Variants in DNTTIP1 observed in about 807,000 individuals in gnomAD.
DNTTIP1 encodes deoxynucleotidyltransferase terminal-interacting protein 1.
Under a neutral mutation model 52.9 loss-of-function variants are expected in DNTTIP1, and 22 were observed. The ratio of observed to expected loss-of-function variants is 0.42; its 90% CI spans 0.30 to 0.59. The LOEUF (loss-of-function observed/expected upper bound fraction) is 0.59, where lower values mean the gene tolerates loss of function less well. DNTTIP1 is among the 20% of genes least tolerant of loss of function. DNTTIP1 has a pLI of 0.22. For missense variants in DNTTIP1, 286 were observed against 435.5 expected (o/e 0.66, Z 3.06); for synonymous variants, 136 against 155.1 (o/e 0.88, Z 0.92).
chr20:45,801,112 C>T lies in DNTTIP1; in HGVS notation c.411C>T (p.Pro137=). 3.1e-6 allele frequency: 5 copies of T among 1,614,046 alleles called. No individual in the cohort carries two copies. Among genetic ancestry groups the T allele is most frequent in the Non-Finnish European group, 4.2e-6 (5 of 1,180,006 alleles). Residue 137 remains proline (P), a synonymous_variant, in exon 5 of 13, where the codon CCC becomes CCT. Transcript: ENST00000372622. ...LLFSDGEKVI[P]RLTHELPGIK... ...TTTCAGATGGAGAAAAAGTAATACC[C>T]AGATTGACCCATGAGCTTCCAGGAA...
intron 2 of DNTTIP1, 28 bp from the exon 3 acceptor site, chr20:45,793,893 C>T (rs373752354): frequency 4.4e-4 from 654 of 1,474,194 alleles, no homozygotes; most frequent in Non-Finnish European, 5.3e-4. Context: ...GGACATGCCC[C>T]CTCACCCTGT....
intron 4 of DNTTIP1, chr20:45,796,371 A>G (rs1354688786): frequency 4.9e-6 from 2 of 410,744 alleles, no homozygotes; most frequent in African/African-American, 2.3e-5. Context: ...CTAGAAAAAA[A>G]TTTTTAAAAG....
Position 45,794,021 on chromosome 20 carries a change from A to G in DNTTIP1, c.273+4A>G, listed in dbSNP as rs1039138537. On this transcript the variant is annotated splice_donor_region_variant and intron_variant, in intron 3 of 12. Coordinates refer to ENST00000372622, the MANE Select transcript of DNTTIP1 (RefSeq NM_052951.3). ...TGTCTTCAACAAGTACATGAAGGTG[A>G]GAGGGACACAGGATAAAAAATAACA... The G allele has an allele frequency of 1.9e-6, 3 of 1,571,826 alleles. No individual in the cohort carries two copies. Among genetic ancestry groups the G allele is most frequent in the Admixed American group, 3.6e-5 (2 of 55,866 alleles).
At chr20:45,805,625 A>C (rs545320959) in intron 10 of DNTTIP1, among the ~76,000 whole-genome samples, 1 of 152,234 alleles carries the variant, frequency 6.6e-6, no homozygotes, top group Non-Finnish European at 1.5e-5. Context: ...TTAAAAAATA[A>C]GTATTGCCAT....
chr20:45,803,051 T>C (rs1231939011), intron 7 of DNTTIP1: 3 of 412,552 alleles, frequency 7.3e-6, no homozygotes, highest in Non-Finnish European at 1.3e-5. Flanking sequence ...ACAAGATAGG[T>C]AGGGCAGTTG....
chr20:45,802,295 A>G (rs1003057275), intron 7 of DNTTIP1, among the ~76,000 whole-genome samples: 1 of 152,140 alleles, frequency 6.6e-6, no homozygotes, highest in African/African-American at 2.4e-5. Flanking sequence ...GAGGTTTGTC[A>G]TTGTTAGTAT....
In DNTTIP1 at chr20:45,792,019, C is replaced by T; in HGVS notation, c.15C>T (p.Gly5=). Reference sequence around the variant, plus strand: ...CCGGGGGCGCCATGGGAGCCACTGGCGACGCCGAGCAGCCGCGGGGACCTA... The same window carrying T: ...CCGGGGGCGCCATGGGAGCCACTGGTGACGCCGAGCAGCCGCGGGGACCTA... MGAT[G]DAEQPRGPSG... The change falls in exon 1 of 13, where the codon GGC becomes GGT. Residue 5 remains glycine (G), a synonymous_variant. Coordinates refer to ENST00000372622, the MANE Select transcript of DNTTIP1 (RefSeq NM_052951.3). The T allele has an allele frequency of 7.9e-7, 1 of 1,267,302 alleles. No individual in the cohort carries two copies. The highest frequency in any genetic ancestry group is 3.3e-5 in the Admixed American group (1 of 29,928). 78.5% of individuals were successfully genotyped at this position (1,267,302 alleles called of 1,614,324 possible).
chr20:45,810,880 C>G lies in DNTTIP1; in HGVS notation c.796-5C>G, dbSNP rs770746082. On this transcript the variant is annotated splice_region_variant and splice_polypyrimidine_tract_variant and intron_variant, in intron 11 of 12. Coordinates refer to ENST00000372622, the MANE Select transcript of DNTTIP1 (RefSeq NM_052951.3). ...AATGACCACTCTCCCTTGCTCCTGC[C>G]TCAGGCCTACCTCCTCATCGAGGAG... 2 of 1,613,960 alleles carry G rather than the reference C, an allele frequency of 1.2e-6. No homozygotes were observed. Among genetic ancestry groups the G allele is most frequent in the Admixed American group, 3.3e-5 (2 of 60,006 alleles).
chr20:45,793,561 G>A (rs998638018), intron 2 of DNTTIP1, among the ~76,000 whole-genome samples: 14 of 152,184 alleles, frequency 9.2e-5, no homozygotes, highest in African/African-American at 3.1e-4. Flanking sequence ...TTAGCCGGGC[G>A]TGGTGGTGCA....
At chr20:45,811,029 C>T in intron 12 of DNTTIP1, 28 bp from the exon 13 acceptor site, 1 of 1,613,194 alleles carries the variant, frequency 6.2e-7, no homozygotes, top group Non-Finnish European at 8.5e-7. Flanking sequence ...TCACTTCCCC[C>T]AACTTCTCTC....
chr20:45,807,703 T>C (rs917795123), intron 10 of DNTTIP1, among the ~76,000 whole-genome samples: 1 of 152,138 alleles, frequency 6.6e-6, no homozygotes, highest in African/African-American at 2.4e-5. Context: ...TCCCAGCACT[T>C]TGGGAGCCCG....
intron 1 of DNTTIP1, chr20:45,792,430 C>A (rs749428534): frequency 2.7e-5 from 13 of 489,384 alleles, no homozygotes; most frequent in Non-Finnish European, 3.3e-5. Flanking sequence ...AGTTGACCCT[C>A]GGTAAATACT....
chr20:45,804,110 C>T (rs566209150), intron 8 of DNTTIP1, among the ~76,000 whole-genome samples: 2 of 152,338 alleles, frequency 1.3e-5, no homozygotes, highest in South Asian at 4.1e-4. Context: ...CATCCCATGC[C>T]TCTTTCTACT....
intron 4 of DNTTIP1, among the ~76,000 whole-genome samples, chr20:45,795,703 G>A (rs958888061): frequency 6.6e-6 from 1 of 152,180 alleles, no homozygotes; most frequent in Non-Finnish European, 1.5e-5. Context: ...GGAGCCATAG[G>A]CACGAGAATC....
At chr20:45,797,331 C>A (rs915134918) in intron 4 of DNTTIP1, among the ~76,000 whole-genome samples, 1 of 152,258 alleles carries the variant, frequency 6.6e-6, no homozygotes, top group African/African-American at 2.4e-5. Flanking sequence ...AAAATTAATT[C>A]AAGATGGATT....
At position 45,801,468 on chromosome 20, in the gene DNTTIP1, T is replaced by C. The variant is rs1981468426; in HGVS notation, c.498+10T>C. 6.2e-7 allele frequency: 1 copy of C among 1,613,936 alleles called. No homozygotes were observed. The highest frequency in any genetic ancestry group is 1.3e-5 in the African/African-American group (1 of 74,928). ...CCCCCTTCCTAAAAAGGTAAACCATTTCCTTGTTTTGTTTTCTGGCTGAAA... is the reference window on the plus strand; with the variant it reads ...CCCCCTTCCTAAAAAGGTAAACCATCTCCTTGTTTTGTTTTCTGGCTGAAA... On this transcript the variant is annotated intron_variant, in intron 6 of 12. Coordinates refer to ENST00000372622, the MANE Select transcript of DNTTIP1 (RefSeq NM_052951.3).
In DNTTIP1 at chr20:45,809,530, A is replaced by G. The variant is rs544125580; in HGVS notation, c.795+345A>G. On this transcript the variant is annotated intron_variant, in intron 11 of 12. Coordinates refer to ENST00000372622, the MANE Select transcript of DNTTIP1 (RefSeq NM_052951.3). This position sits in a 1 kb window ranked among gnomAD's most constrained non-coding sequence, Gnocchi z 4.2. The stretch of plus-strand genomic sequence containing the variant: ...CACTGACAGATTTCACTCATTGATC[A>G]CTCTTCCACCAGACACAGCTATAGA... Among the ~76,000 whole-genome samples, 1 of 152,234 alleles carries G rather than the reference A, an allele frequency of 6.6e-6. No individual in the cohort carries two copies. The highest frequency in any genetic ancestry group is 1.9e-4 in the East Asian group (1 of 5,184).
intron 4 of DNTTIP1, among the ~76,000 whole-genome samples, chr20:45,798,118 G>A (rs905625266): frequency 6.8e-4 from 103 of 152,202 alleles, no homozygotes; most frequent in African/African-American, 2.3e-3. Context: ...TTAAGAAAAT[G>A]TGGCACATAT....
At chr20:45,803,462 A>AG in intron 8 of DNTTIP1, 84 bp downstream of exon 8, 1 of 1,485,494 alleles carries the variant, frequency 6.7e-7, no homozygotes, top group Non-Finnish European at 9.3e-7. Context: ...GGAAAGGGGC[A>AG]GGGGGCGAAG....
Sources: allele counts gnomAD v4.1 joint callset (sites outside exome capture counted in the v4.1 genomes callset), GRCh38; gene constraint gnomAD v4.1.1; non-coding constraint Gnocchi (gnomAD v3.1); transcripts MANE v1.5; gene names NCBI Gene and HGNC (gene_info 2026-07-23, HGNC 2026-07-21).